The following SLC25A28 variants were observed in gnomAD, a reference collection of about 807,000 sequenced individuals.
SLC25A28 encodes the protein mitoferrin-2.
In SLC25A28, 10 loss-of-function variants were observed where a neutral mutation model predicts 31.9. That is an observed-to-expected ratio of 0.31 (90% CI 0.19 to 0.53). The LOEUF (loss-of-function observed/expected upper bound fraction) is 0.53. Ranked by LOEUF, SLC25A28 falls within the 20% of genes least tolerant of loss-of-function variation. The probability of loss-of-function intolerance (pLI) is 0.95; values close to 1 mark genes in which losing one functional copy is unlikely to be tolerated. For missense variants in SLC25A28, 256 were observed against 490.3 expected (o/e 0.52, Z 4.51); for synonymous variants, 208 against 203.6 (o/e 1.02, Z -0.19).
chr10:99,646,207 G>A, the SLC25A28 span, among the ~76,000 whole-genome samples: 1 of 152,198 alleles, frequency 6.6e-6, no homozygotes, highest in Non-Finnish European at 1.5e-5. Context: ...GTTGGCTCCA[G>A]CCCATTCGAG....
At chr10:99,621,079 G>T (rs2034783773), upstream of SLC25A28, 1 of 755,368 alleles carries the variant, frequency 1.3e-6, no homozygotes, top group Non-Finnish European at 1.6e-6. Context: ...GTCATCCCTG[G>T]CTGGCGCGAC....
chr10:99,623,388 G>A (rs568940921), upstream of SLC25A28, among the ~76,000 whole-genome samples: 1 of 152,256 alleles, frequency 6.6e-6, no homozygotes, highest in East Asian at 1.9e-4. Flanking sequence ...CAAAATGTTC[G>A]TTTTCCATGA....
chr10:99,615,887 G>T, intron 1 of SLC25A28: 9 of 985,384 alleles, frequency 9.1e-6, no homozygotes, highest in Non-Finnish European at 1.1e-5. Flanking sequence ...TACCAATTCT[G>T]AACGGTTTGG....
chr10:99,650,461 C>G, the SLC25A28 span, among the ~76,000 whole-genome samples: 1 of 151,890 alleles, frequency 6.6e-6, no homozygotes, highest in Admixed American at 6.6e-5. Context: ...GTTTCCCTGT[C>G]TGTTCTTGGA....
chr10:99,620,760 C>T (rs577724323), upstream of SLC25A28: 1 of 985,480 alleles, frequency 1.0e-6, no homozygotes, highest in South Asian at 4.7e-5. Flanking sequence ...TGACCGCGGC[C>T]ATTGGCCCGC....
the SLC25A28 span, among the ~76,000 whole-genome samples, chr10:99,625,861 T>C: frequency 6.6e-6 from 1 of 152,238 alleles, no homozygotes; most frequent in Admixed American, 6.5e-5. Context: ...GCCTGTACTT[T>C]AGCTGGTGGC....
the SLC25A28 span, among the ~76,000 whole-genome samples, chr10:99,627,599 TC>T: frequency 6.6e-6 from 1 of 151,970 alleles, no homozygotes; most frequent in African/African-American, 2.4e-5. Context: ...CACTAATACA[TC>T]CGGCTAATTT....
Position 99,620,161 on chromosome 10 carries a change from A to G in SLC25A28, c.175T>C (p.Ser59Pro), listed in dbSNP as rs745673083. 1.3e-6 allele frequency: 2 copies of G among 1,559,950 alleles called. No homozygotes were observed. Among genetic ancestry groups the G allele is most frequent in the South Asian group, 1.1e-5 (1 of 88,092 alleles). Residue 59 changes from serine to proline, a missense_variant, in exon 1 of 4, where the codon TCC (serine) becomes CCC (proline). Ser to Pro is a moderately conservative substitution (Grantham distance 74). Coordinates refer to ENST00000370495, the MANE Select transcript of SLC25A28 (RefSeq NM_031212.4). ...GGCAGCGCCTCGTAGTCCGGGCCGGAGTCCGGATCTTGTCGTACCGGGGGC... is the reference window on the plus strand; with the variant it reads ...GGCAGCGCCTCGTAGTCCGGGCCGGGGTCCGGATCTTGTCGTACCGGGGGC... ...CRPPVRQDPDSGPDYEALPAG... is the reference protein window; with the variant it reads ...CRPPVRQDPDPGPDYEALPAG...
chr10:99,643,771 G>C, the SLC25A28 span, among the ~76,000 whole-genome samples: 1 of 152,076 alleles, frequency 6.6e-6, no homozygotes, highest in South Asian at 2.1e-4. Context: ...TTGTGTCTTT[G>C]TTCTCATTGG....
chr10:99,630,742 C>T, the SLC25A28 span, among the ~76,000 whole-genome samples: 1 of 152,120 alleles, frequency 6.6e-6, no homozygotes, highest in African/African-American at 2.4e-5. Context: ...CGCATGGTCT[C>T]TTCTCTGGTG....
chr10:99,658,386 G>A, the SLC25A28 span, among the ~76,000 whole-genome samples: 1 of 152,118 alleles, frequency 6.6e-6, no homozygotes, highest in Non-Finnish European at 1.5e-5. Flanking sequence ...GCCAGGCAGT[G>A]GCCAGTATTG....
At position 99,618,876 on chromosome 10, in the gene SLC25A28, C is replaced by T. The variant is rs767943267; in HGVS notation, c.291+1169G>A. The T allele has an allele frequency of 5.3e-5, 52 of 985,282 alleles. No individual in the cohort carries two copies. In the African/African-American group the frequency reaches 5.4e-4, roughly 10 times the overall value. 61.0% of individuals were successfully genotyped at this position (985,282 alleles called of 1,614,324 possible). ...TTGCCTTTCCCAAGTTGATTCTCTC[C>T]TCCTTTTGAATACATAACACTTTCC... On this transcript the variant is annotated intron_variant, in intron 1 of 3. Coordinates refer to ENST00000370495, the MANE Select transcript of SLC25A28 (RefSeq NM_031212.4).
chr10:99,657,439 T>A, the SLC25A28 span, among the ~76,000 whole-genome samples: 1 of 152,140 alleles, frequency 6.6e-6, no homozygotes, highest in South Asian at 2.1e-4. Context: ...TTCTATTCAA[T>A]GTGGTTTCTG....
chr10:99,637,639 C>G, the SLC25A28 span, among the ~76,000 whole-genome samples: 2 of 152,158 alleles, frequency 1.3e-5, no homozygotes, highest in Non-Finnish European at 2.9e-5. Flanking sequence ...TATACACCAA[C>G]AGCGACCAAG....
chr10:99,633,359 C>A, the SLC25A28 span, among the ~76,000 whole-genome samples: 254 of 152,240 alleles, frequency 1.7e-3, 1 homozygote, highest in African/African-American at 5.5e-3. Context: ...TATTACTTAG[C>A]CTTTCTTGCC....
the SLC25A28 span, among the ~76,000 whole-genome samples, chr10:99,626,943 T>TA: frequency 1.1e-4 from 17 of 151,672 alleles, no homozygotes; most frequent in Non-Finnish European, 1.3e-4. Context: ...TGTATTTTTT[T>TA]AAAAAAATAA....
At chr10:99,615,901 C>T (rs866262365) in intron 1 of SLC25A28, 15 of 985,272 alleles carry the variant, frequency 1.5e-5, no homozygotes, top group South Asian at 9.4e-5. Flanking sequence ...GGTTTGGCTT[C>T]GGAGGCCTGG....
the SLC25A28 span, among the ~76,000 whole-genome samples, chr10:99,628,735 C>T: frequency 1.3e-5 from 2 of 152,290 alleles, no homozygotes; most frequent in East Asian, 1.9e-4. Context: ...GCAGAAGAAT[C>T]GTTTGAACCC....
rs1167107315 is a variant in SLC25A28, at chr10:99,611,764, C to G, written c.578-398G>C. Among the ~76,000 whole-genome samples, 1 of 152,298 alleles carries G rather than the reference C, an allele frequency of 6.6e-6. No homozygotes were observed. The highest frequency in any genetic ancestry group is 1.5e-5 in the Non-Finnish European group (1 of 68,026). ...AACACAGGCCCCTAACAATCCCAAT[C>G]CTCGCATACAAAGAGCACCTAACTT... On this transcript the variant is annotated intron_variant, in intron 3 of 3. Coordinates refer to ENST00000370495, the MANE Select transcript of SLC25A28 (RefSeq NM_031212.4). The surrounding 1 kb of genome is among the most constrained non-coding windows in gnomAD (Gnocchi z 5.5).
Sources: gnomAD v4.1 joint callset for allele counts (sites outside exome capture counted in the v4.1 genomes callset) on GRCh38, gnomAD v4.1.1 for gene constraint, Gnocchi (gnomAD v3.1) non-coding constraint, MANE v1.5 for transcripts, NCBI Gene and HGNC (gene_info 2026-07-23, HGNC 2026-07-21) for gene names.